The following COPG2 variants were observed in gnomAD, a reference collection of about 807,000 sequenced individuals.
The protein encoded by COPG2 is coat protein complex I subunit gamma 2, also known as coatomer subunit gamma-2.
A neutral mutation model predicts 46.3 loss-of-function variants in COPG2; 37 were observed. The ratio of observed to expected loss-of-function variants is 0.80; its 90% confidence interval spans 0.61 to 1.05. The LOEUF is 1.05. COPG2 is among the 50% of genes least tolerant of loss of function. The probability of loss-of-function intolerance (pLI) is 0.00; values close to 1 mark genes in which losing one functional copy is unlikely to be tolerated. For synonymous variants in COPG2, 159 were observed against 129.7 expected, an observed-to-expected ratio of 1.23 and a Z score of -1.53; for missense variants, 427 against 387.8, an observed-to-expected ratio of 1.10 and a Z score of -0.85.
intron 20 of COPG2, among the ~76,000 whole-genome samples, chr7:130,512,374 GATTT>G (rs1554441140): frequency 1.3e-5 from 2 of 151,836 alleles, no homozygotes; most frequent in African/African-American, 4.8e-5. Flanking sequence ...TATTAGGCTT[GATTT>G]ATTAAGAGAG....
At chr7:130,603,319 G>A (rs1794672036) in intron 9 of COPG2, among the ~76,000 whole-genome samples, 1 of 152,140 alleles carries the variant, frequency 6.6e-6, no homozygotes, top group South Asian at 2.1e-4. Flanking sequence ...TTATGTGATT[G>A]TATTTAACAG....
chr7:130,652,215 A>C (rs1453651394), intron 5 of COPG2, among the ~76,000 whole-genome samples: 9 of 152,334 alleles, frequency 5.9e-5, no homozygotes, highest in African/African-American at 2.2e-4. Flanking sequence ...ATTATTTTCC[A>C]AGGATAGTTC....
At chr7:130,651,494 ATTTTTTTTTTTTTTTTTTTTTT>A (rs59572019) in intron 5 of COPG2, among the ~76,000 whole-genome samples, 1 of 57,242 alleles carries the variant, frequency 1.7e-5, no homozygotes, top group Non-Finnish European at 3.1e-5. Context: ...ATTTTTTTGT[ATTTTTTTTTTTTTTTTTTTTTT>A]TTTTTTTTTT....
chr7:130,594,970 T>G (rs1554449531), intron 9 of COPG2, among the ~76,000 whole-genome samples: 1 of 152,182 alleles, frequency 6.6e-6, no homozygotes. Context: ...CTCAAAAAGC[T>G]AGACACAGAG....
intron 20 of COPG2, among the ~76,000 whole-genome samples, chr7:130,543,124 G>T (rs1422371639): frequency 6.6e-6 from 1 of 152,226 alleles, no homozygotes; most frequent in Non-Finnish European, 1.5e-5. Flanking sequence ...TGAAGGTCAG[G>T]ATTTTGAAAG....
chr7:130,602,171 A>G (rs1470775268), intron 9 of COPG2, among the ~76,000 whole-genome samples: 1 of 152,220 alleles, frequency 6.6e-6, no homozygotes, highest in East Asian at 1.9e-4. Context: ...AATATACCAC[A>G]TAGCAAGAGA....
chr7:130,515,869 T>C (rs1254999125), intron 20 of COPG2, among the ~76,000 whole-genome samples: 1 of 151,628 alleles, frequency 6.6e-6, no homozygotes, highest in East Asian at 2.0e-4. Flanking sequence ...TCTGGTAGAG[T>C]GATTTTATGT....
chr7:130,634,404 T>C (rs1795294447), intron 5 of COPG2, among the ~76,000 whole-genome samples: 1 of 152,166 alleles, frequency 6.6e-6, no homozygotes, highest in Non-Finnish European at 1.5e-5. Flanking sequence ...CCTTGAGAAG[T>C]AGTTTGTAGT....
chr7:130,613,397 C>T (rs1375414900), intron 7 of COPG2, 147 bp downstream of exon 7: 1 of 593,230 alleles, frequency 1.7e-6, no homozygotes, highest in Non-Finnish European at 2.9e-6. Context: ...GGGACCCCTG[C>T]TCTAGATAAA....
rs1554440539 is a variant in COPG2 at position 130,508,545 on chromosome 7, A to G, written c.2247+17T>C. On this transcript the variant is annotated intron_variant, in intron 21 of 23. Coordinates refer to ENST00000425248, the MANE Select transcript of COPG2 (RefSeq NM_012133.6). ...TGTGAAGGTGTCAAAGAAAGTCTCT[A>G]TGCTGGGAAGACTCACCACATACTC... 2.6e-6 allele frequency: 2 copies of G among 766,308 alleles called. No homozygotes were observed. The highest frequency in any genetic ancestry group is 1.7e-5 in the African/African-American group (1 of 58,960). 47.5% of individuals were successfully genotyped at this position (766,308 alleles called of 1,614,324 possible).
intron 3 of COPG2, among the ~76,000 whole-genome samples, chr7:130,663,713 G>C (rs921078236): frequency 6.9e-6 from 1 of 145,598 alleles, no homozygotes; most frequent in East Asian, 2.0e-4. Flanking sequence ...TAAAGCCTGA[G>C]ATTTTGCATT....
chr7:130,662,863 A>T (rs1796005187), intron 4 of COPG2, 104 bp downstream of exon 4: 2 of 695,394 alleles, frequency 2.9e-6, no homozygotes, highest in Non-Finnish European at 5.0e-6. Context: ...TAAATAATTT[A>T]AAACATTTCA....
chr7:130,550,520 G>T lies in COPG2; in HGVS notation c.1774+4C>A. On this transcript the variant is annotated splice_donor_region_variant and intron_variant, in intron 17 of 23. Transcript: ENST00000425248. ...TTATACACAGAAAAATGAATAGAGT[G>T]AACCTGCTTTCTGTTCAAAGACAGG... The T allele has an allele frequency of 5.3e-6, 2 of 374,828 alleles. No individual in the cohort carries two copies. The highest frequency in any genetic ancestry group is 1.3e-4 in the South Asian group (1 of 7,528). 23.2% of individuals were successfully genotyped at this position (374,828 alleles called of 1,614,324 possible). A position where few individuals can be genotyped will look rare whatever the true frequency, so the allele number is the denominator to read the frequency against.
chr7:130,604,668 C>CTTT (rs1554450950), intron 9 of COPG2: 2 of 495,850 alleles, frequency 4.0e-6, no homozygotes, highest in Non-Finnish European at 7.9e-6. Flanking sequence ...TTATTTTCTT[C>CTTT]ACTTATTGCA....
At chr7:130,583,250 A>G (rs1554447474) in intron 9 of COPG2, among the ~76,000 whole-genome samples, 1 of 151,272 alleles carries the variant, frequency 6.6e-6, no homozygotes. Flanking sequence ...CGCAAGAACA[A>G]AAAACCAAAC....
chr7:130,561,574 G>A (rs902915772), intron 11 of COPG2, among the ~76,000 whole-genome samples: 147 of 152,260 alleles, frequency 9.7e-4, no homozygotes, highest in African/African-American at 3.2e-3. Flanking sequence ...GTCAGTGCTC[G>A]ACAAAGACTG....
At chr7:130,532,806 T>TACGTGTGACGCAGA (rs1361581902) in intron 20 of COPG2, among the ~76,000 whole-genome samples, 1 of 152,054 alleles carries the variant, frequency 6.6e-6, no homozygotes, top group Non-Finnish European at 1.5e-5. Context: ...TTCGGTGCAG[T>TACGTGTGACGCAGA]ACGTGTGACG....
At position 130,654,644 on chromosome 7, in the gene COPG2, G is replaced by A. The variant is rs1795812515; in HGVS notation, c.244-1696C>T. Among the ~76,000 whole-genome samples the A allele has an allele frequency of 6.6e-5, 10 of 152,134 alleles. 1 individual carries two copies. The South Asian group carries it at 2.1e-3, about 32-fold the overall frequency. On this transcript the variant is annotated intron_variant, in intron 4 of 23. Coordinates refer to ENST00000425248, the MANE Select transcript of COPG2 (RefSeq NM_012133.6). ...AGACTCTCGAATTTCCCATGAGTAGGGAAAACACAAAGATGAGTATTTGAT... is the reference window on the plus strand; with the variant it reads ...AGACTCTCGAATTTCCCATGAGTAGAGAAAACACAAAGATGAGTATTTGAT...
At chr7:130,641,175 CAA>C (rs34617870) in intron 5 of COPG2, among the ~76,000 whole-genome samples, 27 of 87,918 alleles carry the variant, frequency 3.1e-4, no homozygotes, top group Admixed American at 6.7e-4. Context: ...CCCTACCTCT[CAA>C]AAAAAAAAAA....
Sources: allele counts gnomAD v4.1 joint callset (sites outside exome capture counted in the v4.1 genomes callset), GRCh38; gene constraint gnomAD v4.1.1; transcripts MANE v1.5; gene names NCBI Gene and HGNC (gene_info 2026-07-23, HGNC 2026-07-21).